Variants in PLA2G4C observed in about 807,000 individuals in gnomAD.
PLA2G4C encodes the protein phospholipase A2 group IVC.
A neutral mutation model predicts 73.8 loss-of-function variants in PLA2G4C; 64 were observed. The observed-to-expected ratio is 0.87, with a 90% CI of 0.71 to 1.07. The LOEUF (loss-of-function observed/expected upper bound fraction) is 1.07, where lower values mean the gene tolerates loss of function less well. PLA2G4C is among the 50% of genes least tolerant of loss of function. The pLI is 0.00. For synonymous variants in PLA2G4C, 254 were observed against 252.1 expected, an observed-to-expected ratio of 1.01 and a Z score of -0.07; for missense variants, 622 against 665.4, an observed-to-expected ratio of 0.93 and a Z score of 0.72.
intron 10 of PLA2G4C, among the ~76,000 whole-genome samples, chr19:48,080,907 C>G (rs974163799): frequency 3.3e-5 from 5 of 151,144 alleles, no homozygotes; most frequent in African/African-American, 1.2e-4. Flanking sequence ...GCCTGTAATC[C>G]CAGCACTTTG....
intron 14 of PLA2G4C, among the ~76,000 whole-genome samples, chr19:48,059,128 G>C (rs1968072471): frequency 6.6e-6 from 1 of 152,012 alleles, no homozygotes; most frequent in Non-Finnish European, 1.5e-5. Flanking sequence ...AAAATTAGCT[G>C]GGTGTGGTGG....
chr19:48,094,762 C>T (rs2031480760), intron 7 of PLA2G4C, among the ~76,000 whole-genome samples: 1 of 152,170 alleles, frequency 6.6e-6, no homozygotes, highest in African/African-American at 2.4e-5. Context: ...ATTTTACTCA[C>T]TATGACTGTT....
intron 13 of PLA2G4C, among the ~76,000 whole-genome samples, chr19:48,067,068 G>C (rs1354724688): frequency 6.6e-6 from 1 of 152,092 alleles, no homozygotes; most frequent in African/African-American, 2.4e-5. Context: ...GGAGCTTATG[G>C]AGACTATTAA....
chr19:48,076,978 C>T (rs2030205789), intron 11 of PLA2G4C, among the ~76,000 whole-genome samples: 1 of 152,180 alleles, frequency 6.6e-6, no homozygotes, highest in Non-Finnish European at 1.5e-5. Context: ...CTAACTTCTC[C>T]ATACAGAATT....
chr19:48,082,176 C>T (rs1312608701), intron 10 of PLA2G4C, among the ~76,000 whole-genome samples: 1 of 151,766 alleles, frequency 6.6e-6, no homozygotes, highest in Non-Finnish European at 1.5e-5. Context: ...CTACATAATT[C>T]ATCGTGTAAC....
intron 12 of PLA2G4C, among the ~76,000 whole-genome samples, chr19:48,068,208 G>A (rs978984670): frequency 9.2e-5 from 14 of 151,930 alleles, no homozygotes; most frequent in African/African-American, 1.5e-4. Context: ...GGGAGGCTGA[G>A]GCAGGAGAAT....
intron 10 of PLA2G4C, among the ~76,000 whole-genome samples, chr19:48,079,391 G>A (rs546584320): frequency 1.7e-4 from 26 of 152,120 alleles, no homozygotes; most frequent in South Asian, 1.5e-3. Context: ...AGTGATCTTC[G>A]ACAAAGCAAA....
intron 3 of PLA2G4C, 64 bp downstream of exon 3, chr19:48,105,269 T>G: frequency 9.1e-7 from 1 of 1,100,898 alleles, no homozygotes; most frequent in South Asian, 1.4e-5. Flanking sequence ...AGTTGGGCCC[T>G]GGACACTGGG....
intron 5 of PLA2G4C, among the ~76,000 whole-genome samples, chr19:48,099,446 CTTTA>C (rs2031781770): frequency 6.6e-6 from 1 of 152,106 alleles, no homozygotes; most frequent in Admixed American, 6.6e-5. Flanking sequence ...AATCATATCA[CTTTA>C]TTTGTTGCAT....
At chr19:48,102,854 T>C (rs1568454498) in intron 4 of PLA2G4C, among the ~76,000 whole-genome samples, 1 of 152,190 alleles carries the variant, frequency 6.6e-6, no homozygotes, top group Non-Finnish European at 1.5e-5. Context: ...TGTGTCGCCC[T>C]CTCCATGAGG....
intron 16 of PLA2G4C, 67 bp from the exon 17 acceptor site, chr19:48,048,455 T>C: frequency 9.0e-7 from 1 of 1,114,618 alleles, no homozygotes; most frequent in African/African-American, 1.6e-5. Flanking sequence ...CTGGATAAGA[T>C]TAGAAGACCT....
rs572814110 is a variant in PLA2G4C, at chr19:48,100,232, C to T, written c.258-372G>A. Among the ~76,000 whole-genome samples, 12 of 152,116 alleles carry T rather than the reference C, an allele frequency of 7.9e-5. 1 individual carries two copies. The South Asian group carries it at 1.2e-3, about 16-fold the overall frequency. On this transcript the variant is annotated intron_variant, in intron 4 of 16. Transcript: ENST00000599921. The stretch of plus-strand genomic sequence containing the variant: ...CACATAATCCTAGAAAATCAATGAA[C>T]GGGGCCAGGTGTGGTGGTTCATGCA...
Position 48,071,535 on chromosome 19 carries a change from G to A in PLA2G4C, c.1006+3232C>T, listed in dbSNP as rs910954792. Among the ~76,000 whole-genome samples the A allele has an allele frequency of 3.9e-5, 6 of 152,012 alleles. No homozygotes were observed. The South Asian group carries it at 8.3e-4, about 21-fold the overall frequency. ...TGGTCTCAAGCTCCTGACCTCAAGC[G>A]ATCCGCCCACCTTGGCCTCTCAAAG... On this transcript the variant is annotated intron_variant, in intron 12 of 16. Coordinates refer to ENST00000599921, the MANE Select transcript of PLA2G4C (RefSeq NM_003706.3).
At chr19:48,074,700 G>A in intron 12 of PLA2G4C, 67 bp downstream of exon 12, 3 of 1,071,374 alleles carry the variant, frequency 2.8e-6, no homozygotes, top group Non-Finnish European at 4.4e-6. Context: ...GGGTGGGGAA[G>A]AGCAAGAGGG....
chr19:48,056,365 T>C (rs1030737951), intron 14 of PLA2G4C, among the ~76,000 whole-genome samples: 2 of 151,816 alleles, frequency 1.3e-5, no homozygotes, highest in Non-Finnish European at 2.9e-5. Flanking sequence ...CTGGCCAACA[T>C]GGTGAAACCC....
rs750392739 is a variant in PLA2G4C at position 48,054,892 on chromosome 19, A to G, written c.1415T>C (p.Ile472Thr). 6 of 1,613,972 alleles carry G rather than the reference A, an allele frequency of 3.7e-6. No homozygotes were observed. Among genetic ancestry groups the G allele is most frequent in the South Asian group, 2.2e-5 (2 of 91,076 alleles). ...CCTGCACCTACCTCCACAGGCATCT[A>G]TGTTGAACAGGGGAAAATGCATCAC... ...PVVMHFPLFNIDACGGDIEAW... is the reference protein window; with the variant it reads ...PVVMHFPLFNTDACGGDIEAW... The change falls in exon 15 of 17, where the codon ATA becomes ACA. Residue 472 changes from isoleucine (I) to threonine (T), a missense_variant. Coordinates refer to ENST00000599921, the MANE Select transcript of PLA2G4C (RefSeq NM_003706.3).
chr19:48,051,436 C>T (rs373426179), intron 16 of PLA2G4C, among the ~76,000 whole-genome samples: 26 of 152,204 alleles, frequency 1.7e-4, no homozygotes, highest in African/African-American at 6.0e-4. Context: ...ATCAGGTTGG[C>T]GCAAAAGTAG....
intron 14 of PLA2G4C, among the ~76,000 whole-genome samples, chr19:48,057,575 C>T (rs1310487924): frequency 1.5e-5 from 2 of 137,256 alleles, no homozygotes; most frequent in Non-Finnish European, 3.1e-5. Flanking sequence ...TTGCAACCTC[C>T]GCCTCCCAGA....
intron 14 of PLA2G4C, among the ~76,000 whole-genome samples, chr19:48,057,470 TC>T: frequency 2.2e-5 from 1 of 44,834 alleles, no homozygotes; most frequent in African/African-American, 1.2e-4. Context: ...TTCTTCTTCT[TC>T]TTCTTCTTCT....
Sources: gnomAD v4.1 joint callset for allele counts (sites outside exome capture counted in the v4.1 genomes callset) on GRCh38, gnomAD v4.1.1 for gene constraint, MANE v1.5 for transcripts, NCBI Gene and HGNC (gene_info 2026-07-23, HGNC 2026-07-21) for gene names.